ARPP21: variants seen among roughly 807,000 people sequenced by gnomAD.
ARPP21 encodes the protein cAMP regulated phosphoprotein 21.
A neutral mutation model predicts 113.2 loss-of-function variants in ARPP21; 69 were observed. That is an observed-to-expected ratio of 0.61 (90% confidence interval 0.50 to 0.74). The LOEUF (loss-of-function observed/expected upper bound fraction) is 0.74. ARPP21 is among the 30% of genes least tolerant of loss of function. The pLI is 0.00. For synonymous variants in ARPP21, 368 were observed against 375.5 expected (o/e 0.98, Z 0.23); for missense variants, 1,070 against 1,037.4 (o/e 1.03, Z -0.43).
chr3:35,768,836 T>C (rs933703845), intron 19 of ARPP21, among the ~76,000 whole-genome samples: 1 of 152,192 alleles, frequency 6.6e-6, no homozygotes, highest in African/African-American at 2.4e-5. Context: ...GAGTATCCTT[T>C]AAACACTAGA....
At position 35,668,017 on chromosome 3, in the gene ARPP21, G is replaced by GAAGAAGAAGAAGAAA. The variant is rs2075276139; in HGVS notation, c.-212-11756_-212-11755insAAAGAAGAAGAAGAA. Among the ~76,000 whole-genome samples the GAAGAAGAAGAAGAAA allele has an allele frequency of 5.3e-5, 8 of 149,588 alleles. No homozygotes were observed. In the East Asian group the frequency reaches 7.9e-4, roughly 15 times the overall value. ...AGAAGAAGAAGAAGAAGAAGAAGAA[G>GAAGAAGAAGAAGAAA]AAGAAGAAGAAGAAGGAGAAGAAGA... On this transcript the variant is annotated intron_variant, in intron 1 of 20. Transcript: ENST00000684406.
chr3:35,721,771 A>C lies in ARPP21; in HGVS notation c.1162A>C (p.Thr388Pro), dbSNP rs763090869. ...MTKTASFGGI[T>P]VLTRGDSTSS... ...CAAGACGGCGAGTTTTGGGGGCATCACGGTGCTGACCAGGGGTGACAGCAC... is the reference window on the plus strand; with the variant it reads ...CAAGACGGCGAGTTTTGGGGGCATCCCGGTGCTGACCAGGGGTGACAGCAC... The change falls in exon 14 of 21, where the codon ACG (threonine) becomes CCG (proline). Residue 388 changes from threonine to proline, a missense_variant. Thr to Pro is a conservative substitution (Grantham distance 38, BLOSUM62 -1). Coordinates refer to ENST00000684406, the MANE Select transcript of ARPP21 (RefSeq NM_001385562.1). 1.9e-6 allele frequency: 3 copies of C among 1,613,570 alleles called. No homozygotes were observed. The highest frequency in any genetic ancestry group is 2.5e-6 in the Non-Finnish European group (3 of 1,179,820).
At chr3:35,647,009 T>C (rs1406345917) in intron 1 of ARPP21, among the ~76,000 whole-genome samples, 1 of 152,190 alleles carries the variant, frequency 6.6e-6, no homozygotes, top group Non-Finnish European at 1.5e-5. Context: ...ACGTAATCAC[T>C]AACAGTGTTC....
chr3:35,742,178 G>T (rs944085469), intron 18 of ARPP21, among the ~76,000 whole-genome samples: 2 of 152,196 alleles, frequency 1.3e-5, no homozygotes, highest in Non-Finnish European at 2.9e-5. Flanking sequence ...TCAAGGAATA[G>T]ATATCACATT....
At chr3:35,792,791 C>A (rs936173974) in intron 20 of ARPP21, among the ~76,000 whole-genome samples, 2 of 152,174 alleles carry the variant, frequency 1.3e-5, no homozygotes, top group African/African-American at 4.8e-5. Flanking sequence ...ATACATTAGT[C>A]TACAGTTTTA....
intron 1 of ARPP21, among the ~76,000 whole-genome samples, chr3:35,666,897 C>T (rs925008733): frequency 4.6e-5 from 7 of 152,106 alleles, no homozygotes; most frequent in African/African-American, 1.2e-4. Context: ...CTCAACTATC[C>T]CCTGTGGTTC....
At chr3:35,791,280 A>C (rs1230894203) in intron 19 of ARPP21, among the ~76,000 whole-genome samples, 1 of 152,176 alleles carries the variant, frequency 6.6e-6, no homozygotes, top group Non-Finnish European at 1.5e-5. Context: ...CAATTTTTAA[A>C]ATCCGATTGT....
intron 13 of ARPP21, among the ~76,000 whole-genome samples, chr3:35,718,726 G>C (rs968310912): frequency 6.6e-6 from 1 of 152,094 alleles, no homozygotes; most frequent in Non-Finnish European, 1.5e-5. Flanking sequence ...AGACATAAAG[G>C]AAAATAAATA....
chr3:35,688,786 T>C (rs2081360297), intron 6 of ARPP21, among the ~76,000 whole-genome samples: 1 of 151,662 alleles, frequency 6.6e-6, no homozygotes, highest in South Asian at 2.1e-4. Context: ...AAATTAAGCT[T>C]TGGACAGCAT....
chr3:35,729,382 C>T lies in ARPP21; in HGVS notation c.1305C>T (p.Val435=). Reference sequence around the variant, plus strand: ...CACCTCTCCAGAGCACACCCCTAGTCTCAGGTGTGGCAGCTGGCTCTCCAG... The same window carrying T: ...CACCTCTCCAGAGCACACCCCTAGTTTCAGGTGTGGCAGCTGGCTCTCCAG... ...THPPLQSTPL[V]SGVAAGSPGC... is the part of the protein sequence containing the mutation. The change falls in exon 15 of 21, where the codon GTC becomes GTT. Residue 435 remains valine, a synonymous_variant. Coordinates refer to ENST00000684406, the MANE Select transcript of ARPP21 (RefSeq NM_001385562.1). 1 of 1,614,204 alleles carries T rather than the reference C, an allele frequency of 6.2e-7. No individual in the cohort carries two copies. Among genetic ancestry groups the T allele is most frequent in the Non-Finnish European group, 8.5e-7 (1 of 1,180,022 alleles).
At chr3:35,723,934 A>G (rs1256038100) in intron 14 of ARPP21, among the ~76,000 whole-genome samples, 1 of 152,200 alleles carries the variant, frequency 6.6e-6, no homozygotes, top group South Asian at 2.1e-4. Context: ...TGGATTTATG[A>G]AGCAAAGCTG....
intron 19 of ARPP21, among the ~76,000 whole-genome samples, chr3:35,748,259 AAGG>A (rs1371502114): frequency 3.4e-5 from 5 of 147,112 alleles, no homozygotes; most frequent in Non-Finnish European, 7.5e-5. Context: ...AAGAAAGAGA[AAGG>A]AGAGAGAGAA....
chr3:35,689,824 T>C (rs1195361827), intron 7 of ARPP21, among the ~76,000 whole-genome samples: 1 of 151,582 alleles, frequency 6.6e-6, no homozygotes, highest in African/African-American at 2.4e-5. Flanking sequence ...CATGCCATAA[T>C]TAACATTAAG....
chr3:35,721,688 G>A lies in ARPP21; in HGVS notation c.1079G>A (p.Arg360Lys). Residue 360 changes from arginine (R) to lysine (K), a missense_variant, in exon 14 of 21, where the codon AGG (arginine) becomes AAG (lysine). Physicochemically the swap from Arg to Lys is conservative, Grantham distance 26. Transcript: ENST00000684406. ...GAACTCAAGTGGTCTGACCACCAAA[G>A]GGCCTGGAGCAGCACAGACTCCGAC... ...ENELKWSDHQ[R>K]AWSSTDSDSS... is the part of the protein sequence containing the mutation. The A allele has an allele frequency of 6.2e-7, 1 of 1,613,946 alleles. No homozygotes were observed. Among genetic ancestry groups the A allele is most frequent in the African/African-American group, 1.3e-5 (1 of 75,012 alleles).
intron 9 of ARPP21, among the ~76,000 whole-genome samples, chr3:35,702,629 A>G (rs1182900491): frequency 6.6e-6 from 1 of 151,780 alleles, no homozygotes; most frequent in African/African-American, 2.4e-5. Context: ...AGAAACAGAG[A>G]AGAATAAAAT....
At chr3:35,688,171 C>T (rs141673466) in intron 6 of ARPP21, among the ~76,000 whole-genome samples, 1 of 151,634 alleles carries the variant, frequency 6.6e-6, no homozygotes, top group African/African-American at 2.4e-5. Context: ...AAATATAAAT[C>T]TGCCCTAAAT....
At chr3:35,767,067 T>G (rs1178058536) in intron 19 of ARPP21, among the ~76,000 whole-genome samples, 3 of 152,174 alleles carry the variant, frequency 2.0e-5, no homozygotes, top group Non-Finnish European at 4.4e-5. Context: ...GAAATAGGAC[T>G]AAGCACAAAT....
chr3:35,770,383 G>A (rs138877910), intron 19 of ARPP21, among the ~76,000 whole-genome samples: 1 of 152,256 alleles, frequency 6.6e-6, no homozygotes, highest in East Asian at 1.9e-4. Flanking sequence ...TCTTAGCCTT[G>A]GAACAGTTTG....
chr3:35,694,765 A>G (rs1321509318), intron 9 of ARPP21, among the ~76,000 whole-genome samples: 1 of 151,134 alleles, frequency 6.6e-6, no homozygotes, highest in Non-Finnish European at 1.5e-5. Flanking sequence ...ATTGATGGAC[A>G]AGATATTTTT....
Sources: allele counts gnomAD v4.1 joint callset (sites outside exome capture counted in the v4.1 genomes callset), GRCh38; gene constraint gnomAD v4.1.1; transcripts MANE v1.5; gene names NCBI Gene and HGNC (gene_info 2026-07-23, HGNC 2026-07-21).